The following RBFOX3 variants were observed in gnomAD, a reference collection of about 807,000 sequenced individuals.
The protein encoded by RBFOX3 is RNA binding protein fox-1 homolog 3.
A neutral mutation model predicts 48.7 loss-of-function variants in RBFOX3; 17 were observed. The observed-to-expected ratio is 0.35, with a 90% CI of 0.24 to 0.52. RBFOX3 has a LOEUF of 0.52. Ranked by LOEUF, RBFOX3 falls within the 20% of genes least tolerant of loss-of-function variation. The probability of loss-of-function intolerance (pLI) is 0.94; values close to 1 mark genes in which losing one functional copy is unlikely to be tolerated. For missense variants in RBFOX3, 382 were observed against 497.5 expected (o/e 0.77, Z 2.21); for synonymous variants, 212 against 209.5 (o/e 1.01, Z -0.10).
intron 2 of RBFOX3, among the ~76,000 whole-genome samples, chr17:79,405,156 T>C (rs1568191567): frequency 6.6e-6 from 1 of 152,042 alleles, no homozygotes; most frequent in Non-Finnish European, 1.5e-5. Flanking sequence ...TATTCGAACA[T>C]ATGGAAAAGC....
At chr17:79,441,457 C>T (rs1340481747) in intron 2 of RBFOX3, among the ~76,000 whole-genome samples, 2 of 152,190 alleles carry the variant, frequency 1.3e-5, no homozygotes, top group East Asian at 3.9e-4. Context: ...CACAGAGGCA[C>T]ACCCAGGGAG....
rs773942851 is a variant in RBFOX3 at position 79,364,390 on chromosome 17, G to A, written c.-174-56566C>T. On this transcript the variant is annotated intron_variant, in intron 2 of 14. Transcript: ENST00000693108. The surrounding 1 kb of genome is among the most constrained non-coding windows in gnomAD (Gnocchi z 5.1). Reference sequence around the variant, plus strand: ...TGTTCCTTGAATGACGGGGCTGATGGAGATAAAGCTGCCATTCAGATGCAG... The same window carrying A: ...TGTTCCTTGAATGACGGGGCTGATGAAGATAAAGCTGCCATTCAGATGCAG... 2.0e-5 allele frequency among the ~76,000 whole-genome samples: 3 copies of A among 152,226 alleles called. No homozygotes were observed. The highest frequency in any genetic ancestry group is 4.4e-5 in the Non-Finnish European group (3 of 68,046).
chr17:79,285,550 G>A (rs1013298716), intron 3 of RBFOX3, among the ~76,000 whole-genome samples: 4 of 152,214 alleles, frequency 2.6e-5, no homozygotes, highest in Non-Finnish European at 2.9e-5. Context: ...ATATTGAAAT[G>A]CACTAGAGAA....
chr17:79,589,918 A>G (rs2093368130), intron 1 of RBFOX3, among the ~76,000 whole-genome samples: 1 of 152,206 alleles, frequency 6.6e-6, no homozygotes, highest in South Asian at 2.1e-4. Context: ...CGAGGTTTAT[A>G]TAAAATGACA....
At chr17:79,638,739 C>A in the RBFOX3 span, among the ~76,000 whole-genome samples, 1 of 152,098 alleles carries the variant, frequency 6.6e-6, no homozygotes, top group African/African-American at 2.4e-5. Context: ...CCTGTGAAAG[C>A]TGGTTGTTAT....
intron 3 of RBFOX3, among the ~76,000 whole-genome samples, chr17:79,245,545 C>T (rs1182688849): frequency 6.6e-6 from 1 of 152,060 alleles, no homozygotes; most frequent in Non-Finnish European, 1.5e-5. Flanking sequence ...CTCACCCCCT[C>T]AGTCCTTTGT....
intron 1 of RBFOX3, among the ~76,000 whole-genome samples, chr17:79,539,808 T>TA (rs2089403508): frequency 6.6e-6 from 1 of 152,242 alleles, no homozygotes; most frequent in African/African-American, 2.4e-5. Context: ...CTCTCTATGC[T>TA]ATTACAGGTA....
intron 1 of RBFOX3, among the ~76,000 whole-genome samples, chr17:79,518,385 C>T (rs917957049): frequency 3.3e-5 from 5 of 152,168 alleles, no homozygotes; most frequent in African/African-American, 4.8e-5. Flanking sequence ...AGCGGGCAGG[C>T]GGGGATGGGG....
At chr17:79,542,150 T>C (rs1555790550) in intron 1 of RBFOX3, among the ~76,000 whole-genome samples, 1 of 152,154 alleles carries the variant, frequency 6.6e-6, no homozygotes, top group Admixed American at 6.5e-5. Flanking sequence ...AGATTCCTTT[T>C]TATTTTTTCA....
At chr17:79,446,520 T>C (rs1210266128) in intron 2 of RBFOX3, among the ~76,000 whole-genome samples, 1 of 152,060 alleles carries the variant, frequency 6.6e-6, no homozygotes, top group Admixed American at 6.5e-5. Flanking sequence ...TGGAAGCAGC[T>C]CTCCCTAAGA....
intron 2 of RBFOX3, among the ~76,000 whole-genome samples, chr17:79,472,877 T>C (rs2149390278): frequency 6.6e-6 from 1 of 152,316 alleles, no homozygotes; most frequent in East Asian, 1.9e-4. Flanking sequence ...ATTGGTTTAT[T>C]TCCAATTCAT....
At chr17:79,607,114 G>A (rs1488414965) in intron 1 of RBFOX3, among the ~76,000 whole-genome samples, 1 of 152,166 alleles carries the variant, frequency 6.6e-6, no homozygotes, top group Non-Finnish European at 1.5e-5. Flanking sequence ...GTACAAACGG[G>A]ATGTGTTTAT....
intron 3 of RBFOX3, among the ~76,000 whole-genome samples, chr17:79,278,888 G>C (rs1428324492): frequency 2.6e-5 from 4 of 152,240 alleles, no homozygotes; most frequent in Non-Finnish European, 5.9e-5. Flanking sequence ...GGAGAGGCAG[G>C]GGAGTGGTGC....
In RBFOX3 at chr17:79,249,589, C is replaced by T. The variant is rs545764971; in HGVS notation, c.-73-13784G>A. On this transcript the variant is annotated intron_variant, in intron 3 of 14. Transcript: ENST00000693108. This position sits in a 1 kb window ranked among gnomAD's most constrained non-coding sequence, Gnocchi z 4.1. ...CCGGAGACTGTTTACCTGTCCTAAT[C>T]ACCCCAGAGCCAGGTACAGACAATC... is the stretch of plus-strand genomic sequence containing the variant. 6.6e-6 allele frequency among the ~76,000 whole-genome samples: 1 copy of T among 152,246 alleles called. No individual in the cohort carries two copies. The highest frequency in any genetic ancestry group is 1.5e-5 in the Non-Finnish European group (1 of 68,012).
intron 2 of RBFOX3, among the ~76,000 whole-genome samples, chr17:79,360,339 C>A (rs1263637479): frequency 3.9e-5 from 6 of 152,150 alleles, no homozygotes; most frequent in Non-Finnish European, 7.3e-5. Context: ...AACCAAGGAA[C>A]CTGCAGGGAA....
Position 79,405,356 on chromosome 17 carries a change from C to T in RBFOX3, c.-175+77098G>A, listed in dbSNP as rs1169726642. On this transcript the variant is annotated intron_variant, in intron 2 of 14. Transcript: ENST00000693108. ...TAAGCTGCAGACGTGTGTGCACTTC[C>T]CCCGATACTTCAGCGAGTTTATCAT... Among the ~76,000 whole-genome samples the T allele has an allele frequency of 4.6e-5, 7 of 152,180 alleles. No homozygotes were observed. In the East Asian group the frequency reaches 1.3e-3, roughly 29 times the overall value.
intron 1 of RBFOX3, among the ~76,000 whole-genome samples, chr17:79,564,294 T>C (rs959488420): frequency 1.1e-4 from 17 of 152,158 alleles, no homozygotes; most frequent in African/African-American, 4.1e-4. Flanking sequence ...AGGTTCCCAA[T>C]AGCAGCAAAC....
At chr17:79,525,100 C>T (rs1416709447) in intron 1 of RBFOX3, among the ~76,000 whole-genome samples, 1 of 152,196 alleles carries the variant, frequency 6.6e-6, no homozygotes, top group Non-Finnish European at 1.5e-5. Flanking sequence ...TTTCGGGGTG[C>T]CCTGTAAACC....
Position 79,435,152 on chromosome 17 carries a change from C to A in RBFOX3, c.-175+47302G>T, listed in dbSNP as rs528335456. 4.6e-5 allele frequency among the ~76,000 whole-genome samples: 7 copies of A among 152,300 alleles called. No individual in the cohort carries two copies. The South Asian group carries it at 8.3e-4, about 18-fold the overall frequency. ...GTCCTGGTGCCAGCGTGTCTGCCCCCCACCTCCGCAGGGTGGACAGTGAGT... is the reference window on the plus strand; with the variant it reads ...GTCCTGGTGCCAGCGTGTCTGCCCCACACCTCCGCAGGGTGGACAGTGAGT... On this transcript the variant is annotated intron_variant, in intron 2 of 14. Transcript: ENST00000693108.
Sources: gnomAD v4.1 joint callset for allele counts (sites outside exome capture counted in the v4.1 genomes callset) on GRCh38, gnomAD v4.1.1 for gene constraint, Gnocchi (gnomAD v3.1) non-coding constraint, MANE v1.5 for transcripts, NCBI Gene and HGNC (gene_info 2026-07-23, HGNC 2026-07-21) for gene names.